NRG1: variants seen among roughly 807,000 people sequenced by gnomAD.
NRG1 encodes neuregulin 1.
NRG1 carries 18 observed loss-of-function variants against 63.8 expected under a neutral mutation model. That is an observed-to-expected ratio of 0.28 (90% CI 0.19 to 0.42). The LOEUF is 0.42. Ranked by LOEUF, NRG1 falls within the 10% of genes least tolerant of loss-of-function variation. The probability of loss-of-function intolerance (pLI) is 1.00; values close to 1 mark genes in which losing one functional copy is unlikely to be tolerated. For missense variants in NRG1, 762 were observed against 814.7 expected, an observed-to-expected ratio of 0.94 and a Z score of 0.79; for synonymous variants, 302 against 301.3, an observed-to-expected ratio of 1.00 and a Z score of -0.02.
intron 1 of NRG1, among the ~76,000 whole-genome samples, chr8:31,830,244 T>C (rs1387866827): frequency 6.6e-6 from 1 of 152,178 alleles, no homozygotes; most frequent in Non-Finnish European, 1.5e-5. Context: ...AAAAGATTGC[T>C]TGGCATGTCC....
intron 1 of NRG1, among the ~76,000 whole-genome samples, chr8:32,321,551 C>T (rs1801395236): frequency 1.3e-5 from 2 of 149,000 alleles, no homozygotes; most frequent in Non-Finnish European, 3.0e-5. Context: ...CACCACATCC[C>T]CTGATAATGA....
exon 1 of NRG1, chr8:32,548,731 C>G (rs750882750): frequency 1.2e-5 from 19 of 1,581,986 alleles, no homozygotes; most frequent in Non-Finnish European, 1.6e-5. Context: ...GGCGAGATGT[C>G]CGAGCGCAAA....
chr8:32,421,309 A>T, intron 1 of NRG1, among the ~76,000 whole-genome samples: 1 of 152,196 alleles, frequency 6.6e-6, no homozygotes, highest in South Asian at 2.1e-4. Flanking sequence ...CCAATATGAG[A>T]TGTACGAAAA....
At chr8:32,005,925 G>A (rs964572951) in intron 1 of NRG1, among the ~76,000 whole-genome samples, 4 of 151,924 alleles carry the variant, frequency 2.6e-5, no homozygotes, top group African/African-American at 9.7e-5. Flanking sequence ...TTCATTAGAA[G>A]TTTCTTTGTT....
At chr8:32,143,294 G>GATA (rs1836498175) in intron 1 of NRG1, among the ~76,000 whole-genome samples, 1 of 152,054 alleles carries the variant, frequency 6.6e-6, no homozygotes, top group Non-Finnish European at 1.5e-5. Context: ...ATGTTTCACT[G>GATA]ATAATATAAT....
intron 1 of NRG1, among the ~76,000 whole-genome samples, chr8:31,861,256 G>C (rs942585554): frequency 2.6e-5 from 4 of 152,054 alleles, no homozygotes; most frequent in Non-Finnish European, 5.9e-5. Context: ...AGTAGATTAT[G>C]GTGCCCATTT....
intron 5 of NRG1, among the ~76,000 whole-genome samples, chr8:32,726,101 G>A (rs921093630): frequency 6.6e-6 from 1 of 151,902 alleles, no homozygotes; most frequent in Non-Finnish European, 1.5e-5. Context: ...CTTTTTGTTG[G>A]AGTAATAAAA....
At chr8:32,570,900 TGA>T (rs1360233341) in intron 1 of NRG1, among the ~76,000 whole-genome samples, 2 of 152,178 alleles carry the variant, frequency 1.3e-5, no homozygotes, top group Non-Finnish European at 2.9e-5. Flanking sequence ...GAATTTGCAC[TGA>T]GTTTGTCATG....
intron 1 of NRG1, among the ~76,000 whole-genome samples, chr8:32,278,129 T>A (rs1852303380): frequency 6.6e-6 from 1 of 152,228 alleles, no homozygotes; most frequent in Non-Finnish European, 1.5e-5. Flanking sequence ...TTCTCAGAGA[T>A]CCTGGATTAA....
intron 1 of NRG1, among the ~76,000 whole-genome samples, chr8:31,780,208 G>A (rs1413618614): frequency 1.3e-5 from 2 of 152,186 alleles, no homozygotes; most frequent in Non-Finnish European, 2.9e-5. Flanking sequence ...GCCACATCTT[G>A]AGAAATAATT....
At chr8:32,327,072 G>A (rs1360448199) in intron 1 of NRG1, among the ~76,000 whole-genome samples, 1 of 152,164 alleles carries the variant, frequency 6.6e-6, no homozygotes, top group African/African-American at 2.4e-5. Context: ...GTGCTGGACC[G>A]AAATGTCTCT....
intron 1 of NRG1, among the ~76,000 whole-genome samples, chr8:32,278,989 G>C (rs1040453071): frequency 6.6e-6 from 1 of 152,132 alleles, no homozygotes; most frequent in African/African-American, 2.4e-5. Context: ...ATTTAACCAG[G>C]TCTGATGACT....
At chr8:32,766,441 C>T (rs1831437516) in exon 12 of NRG1, 2 of 152,160 alleles carry the variant, frequency 1.3e-5, no homozygotes, top group Non-Finnish European at 2.9e-5. Flanking sequence ...GGGAAGAAGA[C>T]AGTCAGTCCA....
chr8:32,765,596 C>T (rs1462130701), exon 12 of NRG1: 1 of 152,110 alleles, frequency 6.6e-6, no homozygotes, highest in African/African-American at 2.4e-5. Flanking sequence ...TCCATGTTGC[C>T]TTGATCAGGT....
At chr8:31,653,770 A>G (rs1309336386) in intron 1 of NRG1, among the ~76,000 whole-genome samples, 1 of 152,198 alleles carries the variant, frequency 6.6e-6, no homozygotes, top group Non-Finnish European at 1.5e-5. Context: ...TTTAATGCTC[A>G]CTATGTCTTG....
chr8:32,158,937 A>G (rs12674889), intron 1 of NRG1, among the ~76,000 whole-genome samples: 8,490 of 152,102 alleles, frequency 0.056, 397 homozygotes, highest in East Asian at 0.26. Flanking sequence ...GCCACCACAC[A>G]GGCTCCTCCC....
chr8:32,319,758 T>C (rs1441136419), intron 1 of NRG1, among the ~76,000 whole-genome samples: 2 of 152,182 alleles, frequency 1.3e-5, no homozygotes, highest in Non-Finnish European at 2.9e-5. Flanking sequence ...GAGAGTTTCA[T>C]AAATTATGTA....
At chr8:32,024,393 G>A (rs1264883371) in intron 1 of NRG1, among the ~76,000 whole-genome samples, 2 of 152,188 alleles carry the variant, frequency 1.3e-5, no homozygotes, top group East Asian at 1.9e-4. Context: ...GGGAAACCAC[G>A]TAGCATGCAA....
chr8:32,238,100 T>C (rs1847748033), intron 1 of NRG1, among the ~76,000 whole-genome samples: 1 of 152,152 alleles, frequency 6.6e-6, no homozygotes, highest in Non-Finnish European at 1.5e-5. Context: ...GGCTATCTGA[T>C]TCGGTGTGTA....
Sources: allele counts gnomAD v4.1 joint callset (sites outside exome capture counted in the v4.1 genomes callset), GRCh38; gene constraint gnomAD v4.1.1; transcripts MANE v1.5; gene names NCBI Gene and HGNC (gene_info 2026-07-23, HGNC 2026-07-21).